The following TMEM108 variants were observed in gnomAD, a reference collection of about 807,000 sequenced individuals.
The protein encoded by TMEM108 is transmembrane protein 108.
TMEM108 carries 12 observed loss-of-function variants against 35.1 expected under a neutral mutation model. The ratio of observed to expected loss-of-function variants is 0.34; its 90% confidence interval spans 0.22 to 0.55. TMEM108 has a LOEUF of 0.55. TMEM108 is among the 20% of genes least tolerant of loss of function. The pLI, the probability that TMEM108 is intolerant of heterozygous loss-of-function variation, is 0.89. For synonymous variants in TMEM108, 287 were observed against 308.6 expected (o/e 0.93, Z 0.73); for missense variants, 680 against 753.3 (o/e 0.90, Z 1.14).
chr3:133,192,771 A>G (rs959201621), intron 2 of TMEM108: 1 of 152,494 alleles, frequency 6.6e-6, no homozygotes, highest in Admixed American at 6.6e-5. Flanking sequence ...CACAGGAGGA[A>G]GCGGGTGAGG....
At chr3:133,270,171 T>C (rs910138072) in intron 3 of TMEM108, among the ~76,000 whole-genome samples, 4 of 152,192 alleles carry the variant, frequency 2.6e-5, no homozygotes, top group Non-Finnish European at 5.9e-5. Context: ...AAAGTCCTCC[T>C]TTCCTTACTC....
chr3:133,275,856 G>A (rs932152069), intron 3 of TMEM108, among the ~76,000 whole-genome samples: 6 of 152,184 alleles, frequency 3.9e-5, no homozygotes, highest in Non-Finnish European at 8.8e-5. Context: ...TTTTGAAATT[G>A]CAGATAAAGG....
chr3:133,205,549 T>G (rs1945740627), intron 2 of TMEM108, among the ~76,000 whole-genome samples: 1 of 152,202 alleles, frequency 6.6e-6, no homozygotes, highest in Non-Finnish European at 1.5e-5. Context: ...ATTTTATTTC[T>G]CCTTCGCTTC....
At chr3:133,212,737 A>G (rs1289066978) in intron 2 of TMEM108, among the ~76,000 whole-genome samples, 1 of 151,836 alleles carries the variant, frequency 6.6e-6, no homozygotes, top group Non-Finnish European at 1.5e-5. Flanking sequence ...ATTGTGGTGC[A>G]TGCCTGGAAT....
intron 3 of TMEM108, among the ~76,000 whole-genome samples, chr3:133,368,810 A>G (rs766876315): frequency 9.9e-5 from 15 of 152,186 alleles, no homozygotes; most frequent in Non-Finnish European, 1.5e-4. Context: ...CAAAAGTATT[A>G]TTGTGCTCTT....
intron 2 of TMEM108, among the ~76,000 whole-genome samples, chr3:133,226,228 C>A (rs796179104): frequency 2.6e-5 from 4 of 152,250 alleles, no homozygotes; most frequent in African/African-American, 9.6e-5. Context: ...AATGGCTGCC[C>A]TTAGAGGTAA....
intron 3 of TMEM108, among the ~76,000 whole-genome samples, chr3:133,229,956 G>T (rs139974072): frequency 1.7e-3 from 262 of 152,308 alleles, no homozygotes; most frequent in Non-Finnish European, 3.3e-3. Flanking sequence ...GTGCCACAAA[G>T]CACCAATTGC....
chr3:133,213,929 T>A (rs574603783), intron 2 of TMEM108, among the ~76,000 whole-genome samples: 1 of 152,260 alleles, frequency 6.6e-6, no homozygotes, highest in South Asian at 2.1e-4. Flanking sequence ...CTAAGAGTAA[T>A]TAATAAATCC....
At chr3:133,221,660 C>CTTTTTTTTTTTTTTT (rs3078806) in intron 2 of TMEM108, among the ~76,000 whole-genome samples, 86 of 60,354 alleles carry the variant, frequency 1.4e-3, no homozygotes, top group Middle Eastern at 0.014. Context: ...ACATTGATTC[C>CTTTTTTTTTTTTTTT]TTTTTTTTTT....
chr3:133,181,854 T>C (rs938592342), intron 2 of TMEM108, among the ~76,000 whole-genome samples: 3 of 152,214 alleles, frequency 2.0e-5, no homozygotes, highest in Admixed American at 6.5e-5. Flanking sequence ...TATTACCAAA[T>C]AGCTTAATGT....
chr3:133,379,908 T>C lies in TMEM108; in HGVS notation c.197T>C (p.Leu66Pro). 1 of 1,613,918 alleles carries C rather than the reference T, an allele frequency of 6.2e-7. No homozygotes were observed. Among genetic ancestry groups the C allele is most frequent in the Non-Finnish European group, 8.5e-7 (1 of 1,179,930 alleles). The change falls in exon 4 of 6, where the codon CTG (leucine) becomes CCG (proline). Residue 66 changes from leucine (L) to proline (P), a missense_variant. Physicochemically the swap from Leu to Pro is moderately conservative, Grantham distance 98. Transcript: ENST00000321871. ...SSTRHTSVVM[L>P]TPNPDGPPSQ... Reference sequence around the variant, plus strand: ...ACCAGACATACTTCTGTGGTGATGCTGACCCCCAATCCCGATGGACCCCCC... The same window carrying C: ...ACCAGACATACTTCTGTGGTGATGCCGACCCCCAATCCCGATGGACCCCCC...
intron 3 of TMEM108, among the ~76,000 whole-genome samples, chr3:133,311,053 C>T (rs1396855976): frequency 1.3e-5 from 2 of 152,196 alleles, no homozygotes; most frequent in African/African-American, 4.8e-5. Flanking sequence ...TATTGACCCC[C>T]ACTCTCTTCT....
At chr3:133,234,755 A>G (rs542080648) in intron 3 of TMEM108, among the ~76,000 whole-genome samples, 2 of 152,298 alleles carry the variant, frequency 1.3e-5, no homozygotes, top group South Asian at 2.1e-4. Flanking sequence ...GGTCAGGGCA[A>G]TTAGGCAGGA....
chr3:133,054,215 T>C (rs879421284), intron 2 of TMEM108, among the ~76,000 whole-genome samples: 3 of 152,208 alleles, frequency 2.0e-5, no homozygotes, highest in Non-Finnish European at 2.9e-5. Flanking sequence ...AACTGGAAGA[T>C]TATTCAGAAA....
Position 133,380,627 on chromosome 3 carries a change from G to A in TMEM108, c.916G>A (p.Ala306Thr), listed in dbSNP as rs2072983504. ...ACCAGATGCCACAGCAGCCTCAGGT[G>A]CCCCTGTCAGTCCACAAGCTGCCCC... The part of the protein sequence containing the change: ...GTPDATAASG[A>T]PVSPQAAPVP... Residue 306 changes from alanine to threonine, a missense_variant, in exon 4 of 6, where the codon GCC (alanine) becomes ACC (threonine). Physicochemically the swap from Ala to Thr is moderately conservative, Grantham distance 58. Around this residue, in one of 3 missense-constraint regions of TMEM108, gnomAD observed 526 missense variants for 532.1 expected, o/e 0.99. Transcript: ENST00000321871. The surrounding 1 kb of genome is among the most constrained non-coding windows in gnomAD (Gnocchi z 5.3). 2 of 1,613,568 alleles carry A rather than the reference G, an allele frequency of 1.2e-6. No homozygotes were observed. The highest frequency in any genetic ancestry group is 1.3e-5 in the African/African-American group (1 of 74,890).
chr3:133,180,411 T>G lies in TMEM108; in HGVS notation c.-46-48855T>G, dbSNP rs76971924. ...AAGAAGGCCTCAAGTCCCAATCAAT[T>G]TCCAGTAACAATGTTTTTACAAATC... On this transcript the variant is annotated intron_variant, in intron 2 of 5. Coordinates refer to ENST00000321871, the MANE Select transcript of TMEM108 (RefSeq NM_023943.4). 1.8e-3 allele frequency among the ~76,000 whole-genome samples: 274 copies of G among 152,232 alleles called. 8 individuals carry two copies. In the East Asian group the frequency reaches 0.049, roughly 27 times the overall value.
intron 3 of TMEM108, among the ~76,000 whole-genome samples, chr3:133,312,196 T>G (rs2071138555): frequency 6.6e-6 from 1 of 152,240 alleles, no homozygotes; most frequent in African/African-American, 2.4e-5. Flanking sequence ...GTCAGGGACC[T>G]ACTTGAGGAG....
intron 2 of TMEM108, among the ~76,000 whole-genome samples, chr3:133,168,835 T>G (rs1945084416): frequency 1.3e-5 from 2 of 152,286 alleles, no homozygotes; most frequent in South Asian, 4.2e-4. Flanking sequence ...CGTGAAGGTT[T>G]GCGGCTTCAC....
intron 3 of TMEM108, chr3:133,248,298 T>C (rs1429932060): frequency 6.6e-6 from 1 of 152,134 alleles, no homozygotes; most frequent in Non-Finnish European, 1.5e-5. Flanking sequence ...CATGTTACTA[T>C]AAAGAAAATA....
Sources: gnomAD v4.1 joint callset for allele counts (sites outside exome capture counted in the v4.1 genomes callset) on GRCh38, gnomAD v4.1.1 for gene constraint, gnomAD v4.1.1 regional missense constraint, Gnocchi (gnomAD v3.1) non-coding constraint, MANE v1.5 for transcripts, NCBI Gene and HGNC (gene_info 2026-07-23, HGNC 2026-07-21) for gene names.